DLG2: variants seen among roughly 807,000 people sequenced by gnomAD.
The protein encoded by DLG2 is disks large homolog 2.
A neutral mutation model predicts 132.5 loss-of-function variants in DLG2; 45 were observed. That is an observed-to-expected ratio of 0.34 (90% CI 0.27 to 0.44). The LOEUF is 0.44. Among genes scored for constraint, DLG2 ranks in the 20% least tolerant of loss-of-function variants. The pLI is 1.00. For missense variants in DLG2, 1,045 were observed against 1,196.9 expected, an observed-to-expected ratio of 0.87 and a Z score of 1.87; for synonymous variants, 424 against 419.6, an observed-to-expected ratio of 1.01 and a Z score of -0.13.
chr11:83,791,385 T>C, intron 17 of DLG2: 1 of 671,860 alleles, frequency 1.5e-6, no homozygotes, highest in East Asian at 2.9e-5. Flanking sequence ...CTTTTTTTTC[T>C]TTTCCACCTT....
intron 6 of DLG2, among the ~76,000 whole-genome samples, chr11:84,675,506 A>C (rs1411696071): frequency 6.6e-6 from 1 of 152,056 alleles, no homozygotes; most frequent in Non-Finnish European, 1.5e-5. Context: ...AGAGAAACTG[A>C]GATTGCTTGT....
At chr11:85,005,589 C>G (rs1160913539) in intron 6 of DLG2, among the ~76,000 whole-genome samples, 10 of 152,180 alleles carry the variant, frequency 6.6e-5, no homozygotes, top group Non-Finnish European at 1.0e-4. Context: ...TATCCTTAGA[C>G]TTTGCAGAAG....
chr11:84,644,598 T>A (rs9971616), intron 6 of DLG2, among the ~76,000 whole-genome samples: 1 of 150,548 alleles, frequency 6.6e-6, no homozygotes, highest in South Asian at 2.1e-4. Flanking sequence ...CCCAGCTGCT[T>A]GGGAGGCTGA....
chr11:84,014,948 GGT>G (rs2095096111), intron 11 of DLG2, among the ~76,000 whole-genome samples: 1 of 151,334 alleles, frequency 6.6e-6, no homozygotes, highest in African/African-American at 2.4e-5. Flanking sequence ...CCCCTTCCTC[GGT>G]TTACCCATTT....
At chr11:85,520,642 T>C (rs980620370) in intron 3 of DLG2, among the ~76,000 whole-genome samples, 3 of 150,962 alleles carry the variant, frequency 2.0e-5, no homozygotes, top group East Asian at 1.9e-4. Context: ...CAAAACAGCA[T>C]GGTATTGGCA....
intron 6 of DLG2, among the ~76,000 whole-genome samples, chr11:84,941,821 C>G: frequency 6.6e-6 from 1 of 151,742 alleles, no homozygotes; most frequent in Non-Finnish European, 1.5e-5. Flanking sequence ...AGACTGGTAT[C>G]AATTCTTTTT....
At chr11:84,189,762 G>A (rs907900310) in intron 8 of DLG2, among the ~76,000 whole-genome samples, 1 of 152,122 alleles carries the variant, frequency 6.6e-6, no homozygotes, top group East Asian at 1.9e-4. Context: ...GTAAGTGGGA[G>A]CTGAATGATA....
intron 15 of DLG2, among the ~76,000 whole-genome samples, chr11:83,922,548 A>C (rs887394976): frequency 3.3e-5 from 5 of 152,170 alleles, no homozygotes; most frequent in African/African-American, 1.2e-4. Context: ...TTAAGGGCAT[A>C]AGAAGGTCAC....
chr11:84,689,824 A>C (rs943742355), intron 6 of DLG2, among the ~76,000 whole-genome samples: 2 of 151,802 alleles, frequency 1.3e-5, no homozygotes, highest in African/African-American at 4.8e-5. Flanking sequence ...CACACACACA[A>C]ACATGCATGC....
chr11:84,895,288 C>G (rs2090037445), intron 6 of DLG2, among the ~76,000 whole-genome samples: 1 of 151,920 alleles, frequency 6.6e-6, no homozygotes, highest in Admixed American at 6.6e-5. Context: ...TATTTTAAAA[C>G]AAAGCAATGG....
intron 15 of DLG2, among the ~76,000 whole-genome samples, chr11:83,876,574 C>T (rs531194892): frequency 1.6e-4 from 24 of 151,948 alleles, no homozygotes; most frequent in Admixed American, 7.9e-4. Flanking sequence ...CACATTTTAC[C>T]GAGTTATCTA....
chr11:84,682,514 GCTC>G (rs2153709631), intron 6 of DLG2, among the ~76,000 whole-genome samples: 1 of 152,304 alleles, frequency 6.6e-6, no homozygotes, highest in African/African-American at 2.4e-5. Context: ...GGAGCCTGGT[GCTC>G]CTCCACGGCT....
chr11:85,286,324 G>C (rs2078556740), intron 3 of DLG2, among the ~76,000 whole-genome samples: 2 of 152,042 alleles, frequency 1.3e-5, no homozygotes, highest in Admixed American at 6.6e-5. Context: ...AGGTTAAAAT[G>C]ATTCATATGA....
chr11:85,368,175 T>A (rs868793165), intron 3 of DLG2, among the ~76,000 whole-genome samples: 22 of 152,292 alleles, frequency 1.4e-4, no homozygotes, highest in Admixed American at 2.6e-4. Flanking sequence ...AGGTTATGAG[T>A]CTATTCATGT....
At chr11:84,780,348 T>A (rs2071506412) in intron 6 of DLG2, among the ~76,000 whole-genome samples, 1 of 151,624 alleles carries the variant, frequency 6.6e-6, no homozygotes, top group South Asian at 2.1e-4. Flanking sequence ...GATAAAAAAA[T>A]TAAAAAACTA....
At chr11:84,363,116 A>G (rs948091279) in intron 7 of DLG2, among the ~76,000 whole-genome samples, 6 of 150,950 alleles carry the variant, frequency 4.0e-5, no homozygotes, top group African/African-American at 1.5e-4. Flanking sequence ...ACTAGTTTAC[A>G]GTCCCACCAA....
chr11:84,205,405 G>A (rs1023514610), intron 8 of DLG2, among the ~76,000 whole-genome samples: 1 of 151,776 alleles, frequency 6.6e-6, no homozygotes, highest in Non-Finnish European at 1.5e-5. Context: ...ATATATTATA[G>A]AACACTCAGT....
At chr11:84,481,728 T>C (rs10898243) in intron 7 of DLG2, among the ~76,000 whole-genome samples, 36,997 of 152,030 alleles carry the variant, frequency 0.24, 4,812 homozygotes, top group South Asian at 0.4. Context: ...ATAAGTCAAA[T>C]ATAGCATTTT....
At chr11:84,725,735 C>T (rs963577174) in intron 6 of DLG2, among the ~76,000 whole-genome samples, 5 of 152,060 alleles carry the variant, frequency 3.3e-5, no homozygotes, top group African/African-American at 1.2e-4. Flanking sequence ...AATACTATAG[C>T]ATTGCTATAA....
Sources: gnomAD v4.1 joint callset for allele counts (sites outside exome capture counted in the v4.1 genomes callset) on GRCh38, gnomAD v4.1.1 for gene constraint, MANE v1.5 for transcripts, NCBI Gene and HGNC (gene_info 2026-07-23, HGNC 2026-07-21) for gene names.